Variants in INPP4A observed in about 807,000 individuals in gnomAD.
INPP4A encodes the protein inositol polyphosphate-4-phosphatase, type I, 107kD.
In INPP4A, 33 loss-of-function variants were observed where a neutral mutation model predicts 119.8. The observed-to-expected ratio is 0.28, with a 90% CI of 0.21 to 0.37. The LOEUF (loss-of-function observed/expected upper bound fraction) is 0.37, where lower values mean the gene tolerates loss of function less well. Among genes scored for constraint, INPP4A ranks in the 10% least tolerant of loss-of-function variants. The probability of loss-of-function intolerance (pLI) is 1.00; values close to 1 mark genes in which losing one functional copy is unlikely to be tolerated. For synonymous variants in INPP4A, 496 were observed against 500.7 expected (o/e 0.99, Z 0.12); for missense variants, 956 against 1,289.9 (o/e 0.74, Z 3.97).
chr2:98,486,123 T>C (rs1166186164), intron 1 of INPP4A, among the ~76,000 whole-genome samples: 1 of 152,162 alleles, frequency 6.6e-6, no homozygotes, highest in Non-Finnish European at 1.5e-5. Context: ...TAATGGAAAG[T>C]TGGATTTCTA....
At chr2:98,480,108 T>C (rs1678100878) in intron 1 of INPP4A, among the ~76,000 whole-genome samples, 1 of 152,206 alleles carries the variant, frequency 6.6e-6, no homozygotes, top group Non-Finnish European at 1.5e-5. Flanking sequence ...ACACGGAGCC[T>C]CTGGCTGACA....
intron 1 of INPP4A, among the ~76,000 whole-genome samples, chr2:98,490,225 G>A (rs546135422): frequency 4.6e-5 from 7 of 152,150 alleles, no homozygotes; most frequent in South Asian, 2.1e-4. Context: ...AAGACCGGGG[G>A]CAGAGCAGGC....
intron 1 of INPP4A, among the ~76,000 whole-genome samples, chr2:98,509,451 G>A (rs902524719): frequency 9.2e-5 from 14 of 152,184 alleles, no homozygotes; most frequent in Non-Finnish European, 1.3e-4. Context: ...GAACAGTTTC[G>A]TCGCGAAACC....
In INPP4A at chr2:98,550,747, A is replaced by G. The variant is rs564469845; in HGVS notation, c.1164-2039A>G. On this transcript the variant is annotated intron_variant, in intron 13 of 24. Coordinates refer to ENST00000409851, the MANE Select transcript of INPP4A (RefSeq NM_001134225.2). The stretch of plus-strand genomic sequence containing the variant: ...GCCTTTTCTTGCCCCTGCCATGTAT[A>G]TCCCATGCATAAGTCCCAGGTATCA... Among the ~76,000 whole-genome samples the G allele has an allele frequency of 4.9e-4, 74 of 152,286 alleles. 1 individual carries two copies. In the South Asian group the frequency reaches 0.014, roughly 30 times the overall value.
At position 98,520,039 on chromosome 2, in the gene INPP4A, C is replaced by G; in HGVS notation, c.-10C>G. ...CGAGGATCAAGAAGCACATCATCACCAATGACATCATGACAGCAAGAGAGC... is the reference window on the plus strand; with the variant it reads ...CGAGGATCAAGAAGCACATCATCACGAATGACATCATGACAGCAAGAGAGC... On this transcript the variant is annotated 5_prime_UTR_variant, in exon 3 of 25. Transcript: ENST00000409851. 1 of 1,570,122 alleles carries G rather than the reference C, an allele frequency of 6.4e-7. No homozygotes were observed. Among genetic ancestry groups the G allele is most frequent in the African/African-American group, 1.3e-5 (1 of 74,166 alleles).
intron 1 of INPP4A, among the ~76,000 whole-genome samples, chr2:98,514,763 T>C (rs1379574440): frequency 1.3e-5 from 2 of 151,796 alleles, no homozygotes; most frequent in African/African-American, 4.8e-5. Flanking sequence ...TTTTAAAAAA[T>C]TAGTAATTAT....
At chr2:98,482,754 C>G (rs1049678467) in intron 1 of INPP4A, among the ~76,000 whole-genome samples, 1 of 152,194 alleles carries the variant, frequency 6.6e-6, no homozygotes, top group Non-Finnish European at 1.5e-5. Context: ...AAGAGAAATG[C>G]AAAGCTTTTG....
At position 98,546,693 on chromosome 2, in the gene INPP4A, C is replaced by T. The variant is rs1351165695; in HGVS notation, c.1162C>T (p.His388Tyr). 1.3e-6 allele frequency: 2 copies of T among 1,573,436 alleles called. No individual in the cohort carries two copies. The highest frequency in any genetic ancestry group is 1.7e-6 in the Non-Finnish European group (2 of 1,143,116). The change falls in exon 13 of 25, where the codon CAT becomes TAT. Residue 388 changes from histidine to tyrosine, a missense_variant and splice_region_variant. Around this residue, in one of 2 missense-constraint regions of INPP4A, gnomAD observed 652 missense variants for 797.9 expected, o/e 0.82. Coordinates refer to ENST00000409851, the MANE Select transcript of INPP4A (RefSeq NM_001134225.2). The surrounding 1 kb of genome is among the most constrained non-coding windows in gnomAD (Gnocchi z 4.2). The part of the protein sequence containing the change: ...KLHKFEETKK[H>Y]TSSGCQSIIY... ...GCACAAATTTGAAGAGACCAAGAAA[C>T]AGTAAGTAGCCAGAGAGGGTTTGTG...
At chr2:98,460,100 C>CGTGTGTGTGTGTGTGTGTGTGTGTGTGT (rs3066275) in intron 1 of INPP4A, among the ~76,000 whole-genome samples, 97 of 147,100 alleles carry the variant, frequency 6.6e-4, no homozygotes, top group African/African-American at 2.2e-3. Flanking sequence ...GTTTGGTCAT[C>CGTGTGTGTGTGTGTGTGTGTGTGTGTGT]GTGTGTGTGT....
chr2:98,500,357 A>G (rs1325437132), intron 1 of INPP4A, among the ~76,000 whole-genome samples: 1 of 152,182 alleles, frequency 6.6e-6, no homozygotes, highest in African/African-American at 2.4e-5. Flanking sequence ...GAGGAAATCA[A>G]AATCCAGCTG....
intron 1 of INPP4A, among the ~76,000 whole-genome samples, chr2:98,445,578 C>T (rs886859987): frequency 1.3e-5 from 2 of 152,238 alleles, no homozygotes; most frequent in African/African-American, 4.8e-5. Context: ...TATTTTATTT[C>T]TCTCTGGCTT....
At chr2:98,466,605 T>C (rs550346971) in intron 1 of INPP4A, among the ~76,000 whole-genome samples, 1 of 152,294 alleles carries the variant, frequency 6.6e-6, no homozygotes, top group South Asian at 2.1e-4. Context: ...ACCCAGCTGG[T>C]TGGTGGCAGA....
rs78818537 is a variant in INPP4A at position 98,478,009 on chromosome 2, G to A, written c.-166+32924G>A. 5.3e-3 allele frequency among the ~76,000 whole-genome samples: 812 copies of A among 152,296 alleles called. 12 individuals are homozygous for A. Among genetic ancestry groups the A allele is most frequent in the African/African-American group, 0.018 (740 of 41,554 alleles). On this transcript the variant is annotated intron_variant, in intron 1 of 24. Coordinates refer to ENST00000409851, the MANE Select transcript of INPP4A (RefSeq NM_001134225.2). ...GATTCAGTGCGAGTGCAGTCCCTGC[G>A]GCCTACAACCTACTGTTATTGTGCG... is the stretch of plus-strand genomic sequence containing the variant.
At chr2:98,461,264 C>G (rs1697104638) in intron 1 of INPP4A, among the ~76,000 whole-genome samples, 1 of 152,204 alleles carries the variant, frequency 6.6e-6, no homozygotes, top group Non-Finnish European at 1.5e-5. Flanking sequence ...GATGTAGTGA[C>G]ATGGCAGAGG....
chr2:98,554,936 C>A lies in INPP4A; in HGVS notation c.1566+447C>A, dbSNP rs900209496. On this transcript the variant is annotated intron_variant, in intron 15 of 24. Coordinates refer to ENST00000409851, the MANE Select transcript of INPP4A (RefSeq NM_001134225.2). This position sits in a 1 kb window ranked among gnomAD's most constrained non-coding sequence, Gnocchi z 4.7. ...TTTTGGAGCTGCCGCCCTGACATTA[C>A]ATCACATTATTGTTCCTCAGAGAAT... is the stretch of plus-strand genomic sequence containing the variant. Among the ~76,000 whole-genome samples, 1 of 152,236 alleles carries A rather than the reference C, an allele frequency of 6.6e-6. No homozygotes were observed. The highest frequency in any genetic ancestry group is 2.4e-5 in the African/African-American group (1 of 41,460).
chr2:98,520,257 A>T, intron 3 of INPP4A, 103 bp downstream of exon 3: 1 of 856,006 alleles, frequency 1.2e-6, no homozygotes, highest in Non-Finnish European at 1.9e-6. Flanking sequence ...CCCCATGACT[A>T]CCCTAGACTA....
At chr2:98,457,498 G>A (rs1696326472) in intron 1 of INPP4A, among the ~76,000 whole-genome samples, 1 of 152,212 alleles carries the variant, frequency 6.6e-6, no homozygotes, top group South Asian at 2.1e-4. Flanking sequence ...TTTGATCAGT[G>A]TTTCATATCA....
In INPP4A at chr2:98,520,136, C is replaced by T; in HGVS notation, c.88C>T (p.Leu30=). The T allele has an allele frequency of 6.4e-7, 1 of 1,559,340 alleles. No individual in the cohort carries two copies. The highest frequency in any genetic ancestry group is 8.7e-7 in the Non-Finnish European group (1 of 1,150,886). The stretch of plus-strand genomic sequence containing the variant: ...CACCATCGACGTGGCGGCCGACATG[C>T]TGGGCCTCTCTCTGGCAGGTGAGCC... ...ASTIDVAADM[L]GLSLAGNIQD... The change falls in exon 3 of 25, where the codon CTG becomes TTG. Residue 30 remains leucine, a synonymous_variant. Transcript: ENST00000409851.
At chr2:98,524,298 A>T (rs1687792773) in intron 4 of INPP4A, among the ~76,000 whole-genome samples, 1 of 152,216 alleles carries the variant, frequency 6.6e-6, no homozygotes, top group South Asian at 2.1e-4. Context: ...ATCAGGTTGG[A>T]GAGACAAGGC....
Sources: gnomAD v4.1 joint callset for allele counts (sites outside exome capture counted in the v4.1 genomes callset) on GRCh38, gnomAD v4.1.1 for gene constraint, gnomAD v4.1.1 regional missense constraint, Gnocchi (gnomAD v3.1) non-coding constraint, MANE v1.5 for transcripts, NCBI Gene and HGNC (gene_info 2026-07-23, HGNC 2026-07-21) for gene names.